The following FUT9 variants were observed in gnomAD, a reference collection of about 807,000 sequenced individuals.
FUT9 encodes the protein fucosyltransferase 9, also known as 4-galactosyl-N-acetylglucosaminide 3-alpha-L-fucosyltransferase 9.
Under a neutral mutation model 29.7 loss-of-function variants are expected in FUT9, and 15 were observed. The observed-to-expected ratio is 0.51, with a 90% CI of 0.34 to 0.78. The LOEUF is 0.78. Among genes scored for constraint, FUT9 ranks in the 30% least tolerant of loss-of-function variants. The pLI, the probability that FUT9 is intolerant of heterozygous loss-of-function variation, is 0.01. For missense variants in FUT9, 319 were observed against 425.4 expected (o/e 0.75, Z 2.20); for synonymous variants, 169 against 153.7 (o/e 1.10, Z -0.74).
At chr6:96,135,403 A>C (rs1772328618) in intron 2 of FUT9, among the ~76,000 whole-genome samples, 1 of 151,910 alleles carries the variant, frequency 6.6e-6, no homozygotes, top group Non-Finnish European at 1.5e-5. Context: ...AGCACTACTT[A>C]TTGGGCCCAA....
intron 1 of FUT9, among the ~76,000 whole-genome samples, chr6:96,078,878 T>C (rs910815789): frequency 9.2e-5 from 14 of 152,196 alleles, no homozygotes; most frequent in Admixed American, 3.3e-4. Context: ...TCTTTTTTCA[T>C]TGGGAGACAT....
At chr6:96,141,828 G>C (rs780843997) in intron 2 of FUT9, among the ~76,000 whole-genome samples, 5 of 152,162 alleles carry the variant, frequency 3.3e-5, no homozygotes, top group Admixed American at 6.5e-5. Flanking sequence ...GATTCTGGCT[G>C]TTGCCTTTGA....
rs2127993879 is a variant in FUT9 at position 96,211,901 on chromosome 6, C to T, written c.*7666C>T. 1 of 403,894 alleles carries T rather than the reference C, an allele frequency of 2.5e-6. No homozygotes were observed. The highest frequency in any genetic ancestry group is 3.6e-5 in the East Asian group (1 of 27,658). The allele number at this position is 403,894 out of a possible 1,614,324, so 25.0% of individuals were successfully genotyped here. A position where few individuals can be genotyped will look rare whatever the true frequency, so the allele number is the denominator to read the frequency against. ...TTTATTTTTCTGAGTTCTCTGGAAA[C>T]CAAACAATTTTGAATTAGTTGTGTA... is the stretch of plus-strand genomic sequence containing the variant. On this transcript the variant is annotated 3_prime_UTR_variant, in exon 3 of 3. Coordinates refer to ENST00000302103, the MANE Select transcript of FUT9 (RefSeq NM_006581.4).
chr6:96,157,136 G>T lies in FUT9; in HGVS notation c.-9+43009G>T, dbSNP rs567415983. On this transcript the variant is annotated intron_variant, in intron 2 of 2. Transcript: ENST00000302103. Reference sequence around the variant, plus strand: ...CATGAAACTATGACTGGCTAAAAAGGCTAACTAAGATGTGTGTTTTTCTAG... The same window carrying T: ...CATGAAACTATGACTGGCTAAAAAGTCTAACTAAGATGTGTGTTTTTCTAG... Among the ~76,000 whole-genome samples, 15 of 152,246 alleles carry T rather than the reference G, an allele frequency of 9.9e-5. No individual in the cohort carries two copies. In the East Asian group the frequency reaches 2.9e-3, roughly 29 times the overall value.
intron 2 of FUT9, among the ~76,000 whole-genome samples, chr6:96,142,697 T>G (rs138475904): frequency 2.8e-3 from 420 of 152,284 alleles, no homozygotes; most frequent in African/African-American, 9.7e-3. Context: ...AACAAAATTT[T>G]CAGAGAGAAA....
intron 1 of FUT9, among the ~76,000 whole-genome samples, chr6:96,023,213 G>C (rs1770105121): frequency 6.6e-6 from 1 of 151,990 alleles, no homozygotes; most frequent in Non-Finnish European, 1.5e-5. Context: ...GGGATGAAGA[G>C]ACAGCAGTTT....
intron 2 of FUT9, among the ~76,000 whole-genome samples, chr6:96,153,179 AT>A (rs1329739346): frequency 6.6e-6 from 1 of 152,168 alleles, no homozygotes; most frequent in African/African-American, 2.4e-5. Flanking sequence ...GGCAAGACAA[AT>A]TTTTAAGAAT....
chr6:96,028,753 C>G (rs975455978), intron 1 of FUT9, among the ~76,000 whole-genome samples: 16 of 151,472 alleles, frequency 1.1e-4, no homozygotes, highest in African/African-American at 3.9e-4. Context: ...TTGGAACTTT[C>G]AGAATATTAT....
intron 1 of FUT9, among the ~76,000 whole-genome samples, chr6:96,056,170 T>C (rs1251286857): frequency 1.3e-5 from 2 of 152,232 alleles, no homozygotes; most frequent in African/African-American, 2.4e-5. Flanking sequence ...ACAATTTGTA[T>C]CTAATTTAAT....
chr6:96,106,822 G>A (rs1344627353), intron 1 of FUT9, among the ~76,000 whole-genome samples: 2 of 152,198 alleles, frequency 1.3e-5, no homozygotes, highest in Non-Finnish European at 2.9e-5. Context: ...AAGAGATGGA[G>A]TGCTTAAACT....
intron 2 of FUT9, among the ~76,000 whole-genome samples, chr6:96,120,028 ACC>A (rs1469977435): frequency 6.6e-6 from 1 of 151,922 alleles, no homozygotes; most frequent in Non-Finnish European, 1.5e-5. Context: ...TATATATTTA[ACC>A]CTCATTTGTT....
chr6:96,166,511 G>A (rs1773018804), intron 2 of FUT9, among the ~76,000 whole-genome samples: 1 of 152,076 alleles, frequency 6.6e-6, no homozygotes, highest in Admixed American at 6.6e-5. Context: ...AAAATTAGAG[G>A]TTTACCATTT....
At chr6:96,168,113 C>T (rs1025044955) in intron 2 of FUT9, among the ~76,000 whole-genome samples, 2 of 152,106 alleles carry the variant, frequency 1.3e-5, no homozygotes, top group African/African-American at 4.8e-5. Flanking sequence ...GTGGAGAAGA[C>T]TGGGTAGAAC....
chr6:96,032,231 C>G (rs17055920), intron 1 of FUT9, among the ~76,000 whole-genome samples: 2,962 of 151,648 alleles, frequency 0.02, 108 homozygotes, highest in East Asian at 0.093. Flanking sequence ...TATTTTGTTA[C>G]TGATTTTATT....
intron 1 of FUT9, among the ~76,000 whole-genome samples, chr6:96,039,445 C>T (rs1770416802): frequency 6.6e-6 from 1 of 152,072 alleles, no homozygotes; most frequent in South Asian, 2.1e-4. Context: ...TCTACTGAGC[C>T]TATTATTTTG....
At position 96,202,218 on chromosome 6, in the gene FUT9, T is replaced by TA. The variant is rs896502924; in HGVS notation, c.-8-921dup. Reference sequence around the variant, plus strand: ...AAAAACTTGAAAACACTTTTTTCTTTAAAAAAAAAGCCTTCACTCATCTTT... The same window carrying TA: ...AAAAACTTGAAAACACTTTTTTCTTTAAAAAAAAAAGCCTTCACTCATCTTT... On this transcript the variant is annotated intron_variant, in intron 2 of 2. Coordinates refer to ENST00000302103, the MANE Select transcript of FUT9 (RefSeq NM_006581.4). 9.1e-4 allele frequency among the ~76,000 whole-genome samples: 138 copies of TA among 150,978 alleles called. 1 individual carries two copies. The highest frequency in any genetic ancestry group is 1.9e-3 in the East Asian group (10 of 5,158).
intron 2 of FUT9, among the ~76,000 whole-genome samples, chr6:96,119,888 G>A (rs959537544): frequency 1.3e-5 from 2 of 152,110 alleles, no homozygotes; most frequent in African/African-American, 4.8e-5. Context: ...TAGGCTATTT[G>A]AGGAACTTCT....
chr6:96,026,583 C>G (rs941601110), intron 1 of FUT9, among the ~76,000 whole-genome samples: 14 of 151,570 alleles, frequency 9.2e-5, no homozygotes, highest in Non-Finnish European at 8.9e-5. Flanking sequence ...ACATATTTCC[C>G]ATGGCCATAA....
chr6:96,104,533 TTTTG>T (rs898771169), intron 1 of FUT9, among the ~76,000 whole-genome samples: 2 of 152,156 alleles, frequency 1.3e-5, no homozygotes, highest in African/African-American at 2.4e-5. Flanking sequence ...ATTTTTTTTG[TTTTG>T]TTTGTTTGTT....
Sources: gnomAD v4.1 joint callset for allele counts (sites outside exome capture counted in the v4.1 genomes callset) on GRCh38, gnomAD v4.1.1 for gene constraint, MANE v1.5 for transcripts, NCBI Gene and HGNC (gene_info 2026-07-23, HGNC 2026-07-21) for gene names.